Variants in CMTM8 observed in about 807,000 individuals in gnomAD.
CMTM8 encodes the protein CKLF like MARVEL transmembrane domain containing 8.
A neutral mutation model predicts 18.6 loss-of-function variants in CMTM8; 12 were observed. The observed-to-expected ratio is 0.65, with a 90% CI of 0.41 to 1.05. The LOEUF is 1.05. CMTM8 is among the 50% of genes least tolerant of loss of function. CMTM8 has a pLI of 0.00. For missense variants in CMTM8, 217 were observed against 227.2 expected (o/e 0.95, Z 0.29); for synonymous variants, 87 against 90.6 (o/e 0.96, Z 0.23).
chr3:32,283,189 A>T (rs942365521), intron 1 of CMTM8, among the ~76,000 whole-genome samples: 1 of 152,226 alleles, frequency 6.6e-6, no homozygotes, highest in East Asian at 1.9e-4. Context: ...GGGGAGCATG[A>T]TAATGAAAAA....
chr3:32,292,565 T>C (rs1323271045), intron 1 of CMTM8, among the ~76,000 whole-genome samples: 3 of 152,198 alleles, frequency 2.0e-5, no homozygotes, highest in Admixed American at 2.0e-4. Flanking sequence ...ACCCTACCAC[T>C]GACACATGAC....
At chr3:32,350,382 G>C (rs368831230) in intron 1 of CMTM8, among the ~76,000 whole-genome samples, 15 of 145,332 alleles carry the variant, frequency 1.0e-4, no homozygotes, top group East Asian at 4.0e-4. Context: ...TTTTGAGACA[G>C]AGTGTTGCTC....
intron 1 of CMTM8, chr3:32,243,974 ATAT>A (rs1432426166): frequency 3.1e-5 from 5 of 159,900 alleles, no homozygotes; most frequent in African/African-American, 4.8e-5. Context: ...CTCTGCCAAG[ATAT>A]TATAGCAGCA....
At chr3:32,350,379 A>G (rs1696682710) in intron 1 of CMTM8, among the ~76,000 whole-genome samples, 1 of 144,062 alleles carries the variant, frequency 6.9e-6, no homozygotes, top group South Asian at 2.2e-4. Context: ...TTTTTTTGAG[A>G]CAGAGTGTTG....
chr3:32,303,560 C>T (rs1046604244), intron 1 of CMTM8, among the ~76,000 whole-genome samples: 4 of 152,098 alleles, frequency 2.6e-5, no homozygotes, highest in Non-Finnish European at 5.9e-5. Flanking sequence ...ACTTTCTTCC[C>T]GTATGTTTCA....
At chr3:32,340,962 C>G (rs772516399) in intron 1 of CMTM8, among the ~76,000 whole-genome samples, 5 of 152,232 alleles carry the variant, frequency 3.3e-5, no homozygotes, top group Non-Finnish European at 7.3e-5. Context: ...GTGTCAAACT[C>G]TGTAATATAT....
chr3:32,325,829 C>G (rs1021710388), intron 1 of CMTM8, among the ~76,000 whole-genome samples: 20 of 152,212 alleles, frequency 1.3e-4, no homozygotes, highest in African/African-American at 3.9e-4. Flanking sequence ...AGTTTTCCTT[C>G]TCATCATTCA....
chr3:32,259,251 C>T (rs760526979), intron 1 of CMTM8: 8 of 606,036 alleles, frequency 1.3e-5, no homozygotes, highest in East Asian at 1.0e-4. Flanking sequence ...AAGTGAAGAG[C>T]CTGGAGACCG....
chr3:32,240,252 C>A (rs1378528998), intron 1 of CMTM8, among the ~76,000 whole-genome samples: 1 of 152,206 alleles, frequency 6.6e-6, no homozygotes, highest in Non-Finnish European at 1.5e-5. Context: ...CGGACCTGCT[C>A]TATGAAGCCC....
At chr3:32,259,987 A>C in intron 1 of CMTM8, 2 of 1,106,590 alleles carry the variant, frequency 1.8e-6, no homozygotes. Flanking sequence ...CAGAGCTGGC[A>C]CTGACCCAGG....
chr3:32,361,145 C>G (rs1303457874), intron 2 of CMTM8, among the ~76,000 whole-genome samples: 1 of 152,130 alleles, frequency 6.6e-6, no homozygotes, highest in Non-Finnish European at 1.5e-5. Context: ...CCACGCCCAG[C>G]TAATTTTATA....
At chr3:32,331,658 G>A (rs1408614868) in intron 1 of CMTM8, among the ~76,000 whole-genome samples, 1 of 152,056 alleles carries the variant, frequency 6.6e-6, no homozygotes, top group Non-Finnish European at 1.5e-5. Context: ...ACAGATTAAT[G>A]GGTAAACAAA....
At chr3:32,311,132 T>C (rs1220931425) in intron 1 of CMTM8, among the ~76,000 whole-genome samples, 1 of 152,224 alleles carries the variant, frequency 6.6e-6, no homozygotes, top group Non-Finnish European at 1.5e-5. Flanking sequence ...AACCACAGCC[T>C]ACAGGCCAGA....
intron 1 of CMTM8, among the ~76,000 whole-genome samples, chr3:32,341,883 T>A (rs1214602630): frequency 1.3e-5 from 2 of 151,254 alleles, no homozygotes; most frequent in African/African-American, 2.4e-5. Flanking sequence ...TCAAAAAAAA[T>A]AAATAAACTT....
intron 1 of CMTM8, among the ~76,000 whole-genome samples, chr3:32,302,906 A>G (rs901917587): frequency 1.3e-5 from 2 of 152,206 alleles, no homozygotes; most frequent in Non-Finnish European, 2.9e-5. Flanking sequence ...CTGGGGCATT[A>G]GATGTAGAAC....
At chr3:32,294,933 T>C (rs1259797126) in intron 1 of CMTM8, among the ~76,000 whole-genome samples, 4 of 152,082 alleles carry the variant, frequency 2.6e-5, no homozygotes, top group African/African-American at 4.8e-5. Flanking sequence ...TGCACACCTA[T>C]AATCCCAGCT....
At chr3:32,327,959 C>G (rs969606835) in intron 1 of CMTM8, among the ~76,000 whole-genome samples, 2 of 152,096 alleles carry the variant, frequency 1.3e-5, no homozygotes, top group African/African-American at 2.4e-5. Context: ...GCCTGTAATC[C>G]CAACATTTTG....
At chr3:32,352,947 A>G (rs988501810) in intron 1 of CMTM8, among the ~76,000 whole-genome samples, 32 of 151,938 alleles carry the variant, frequency 2.1e-4, no homozygotes, top group African/African-American at 7.7e-4. Flanking sequence ...GTGCAAAAGC[A>G]TGCATATACT....
At chr3:32,240,972 G>A (rs1371827230) in intron 1 of CMTM8, among the ~76,000 whole-genome samples, 1 of 152,032 alleles carries the variant, frequency 6.6e-6, no homozygotes, top group Non-Finnish European at 1.5e-5. Context: ...TTTTTTTCTA[G>A]GGACGGGGTC....
Sources: allele counts gnomAD v4.1 joint callset (sites outside exome capture counted in the v4.1 genomes callset), GRCh38; gene constraint gnomAD v4.1.1; transcripts MANE v1.5; gene names NCBI Gene and HGNC (gene_info 2026-07-23, HGNC 2026-07-21).